GABRR3: variants seen among roughly 807,000 people sequenced by gnomAD.
GABRR3 encodes gamma-aminobutyric acid type A receptor subunit rho3, also known as gamma-aminobutyric acid receptor subunit rho-3.
In GABRR3, 29 loss-of-function variants were observed where a neutral mutation model predicts 43.2. The observed-to-expected ratio is 0.67, with a 90% CI of 0.50 to 0.92. The LOEUF is 0.92. Ranked by LOEUF, GABRR3 falls within the 40% of genes least tolerant of loss-of-function variation. The probability of loss-of-function intolerance (pLI) is 0.00; values close to 1 mark genes in which losing one functional copy is unlikely to be tolerated. For missense variants in GABRR3, 576 were observed against 572.3 expected (o/e 1.01, Z -0.07); for synonymous variants, 206 against 195.9 (o/e 1.05, Z -0.43).
intron 2 of GABRR3, among the ~76,000 whole-genome samples, chr3:98,034,263 G>T (rs1471024421): frequency 6.6e-6 from 1 of 152,040 alleles, no homozygotes; most frequent in Non-Finnish European, 1.5e-5. Context: ...TAGGCAAATT[G>T]GTGTATAAAG....
chr3:98,020,858 CTTTTTCTTTTTCTT>C (rs1013411518), intron 3 of GABRR3, among the ~76,000 whole-genome samples: 5 of 133,204 alleles, frequency 3.8e-5, no homozygotes, highest in East Asian at 2.2e-4. Flanking sequence ...ATTTCTTTTT[CTTTTTCTTTTTCTT>C]TTTTTTTTTT....
intron 4 of GABRR3, among the ~76,000 whole-genome samples, chr3:98,015,995 G>A (rs978260898): frequency 5.9e-5 from 9 of 152,200 alleles, no homozygotes; most frequent in Non-Finnish European, 1.0e-4. Flanking sequence ...CACGGCAGAA[G>A]GCAAAGGGGA....
intron 7 of GABRR3, 74 bp downstream of exon 7, chr3:98,007,690 T>C: frequency 6.5e-7 from 1 of 1,537,686 alleles, no homozygotes; most frequent in Non-Finnish European, 8.9e-7. Context: ...TCCGGTCTTT[T>C]CGCATGTTGT....
At chr3:98,002,154 GA>G (rs1021505922) in intron 7 of GABRR3, among the ~76,000 whole-genome samples, 2 of 151,858 alleles carry the variant, frequency 1.3e-5, no homozygotes, top group Admixed American at 1.3e-4. Context: ...TATAACAAAT[GA>G]AAAAAACATT....
At chr3:98,021,069 T>C (rs920008765) in intron 3 of GABRR3, among the ~76,000 whole-genome samples, 2 of 151,876 alleles carry the variant, frequency 1.3e-5, no homozygotes, top group African/African-American at 4.8e-5. Context: ...TTCATCATGT[T>C]GGTCAGGCTG....
rs949715621 is a variant in GABRR3, at chr3:98,001,291, G to A, written c.907+324C>T. ...GCTAAATGGACTTGTATAAAGCATGGGGAGGTTTTCTTAAAAAAGAAAAGA... is the reference window on the plus strand; with the variant it reads ...GCTAAATGGACTTGTATAAAGCATGAGGAGGTTTTCTTAAAAAAGAAAAGA... On this transcript the variant is annotated intron_variant, in intron 8 of 9. Coordinates refer to ENST00000621172, the Ensembl canonical transcript of GABRR3. 6.8e-5 allele frequency: 18 copies of A among 265,834 alleles called. 1 individual carries two copies. The highest frequency in any genetic ancestry group is 6.4e-4 in the Admixed American group (14 of 21,824). 16.5% of individuals were successfully genotyped at this position (265,834 alleles called of 1,614,324 possible).
intron 8 of GABRR3, among the ~76,000 whole-genome samples, chr3:97,993,307 C>A (rs548606631): frequency 6.6e-6 from 1 of 152,278 alleles, no homozygotes; most frequent in African/African-American, 2.4e-5. Flanking sequence ...TCACAGAAAA[C>A]AGAGTCTGAC....
At position 98,004,641 on chromosome 3, in the gene GABRR3, A is replaced by G. The variant is rs1706700817; in HGVS notation, c.755-2874T>C. On this transcript the variant is annotated intron_variant, in intron 7 of 9. Coordinates refer to ENST00000621172, the Ensembl canonical transcript of GABRR3. The stretch of plus-strand genomic sequence containing the variant: ...TTGTTAATATTGCCAGGTCGTGGTG[A>G]TTTTTGAACAGTGGCAACGGTAGTG... Among the ~76,000 whole-genome samples the G allele has an allele frequency of 4.6e-5, 7 of 150,616 alleles. No individual in the cohort carries two copies. The Admixed American group carries it at 4.7e-4, about 10-fold the overall frequency.
chr3:98,014,397 G>T (rs1412625663), intron 4 of GABRR3, among the ~76,000 whole-genome samples: 1 of 151,616 alleles, frequency 6.6e-6, no homozygotes, highest in African/African-American at 2.4e-5. Context: ...AAATGACTTG[G>T]ATAATATTCC....
intron 2 of GABRR3, among the ~76,000 whole-genome samples, chr3:98,026,168 AT>A (rs569535918): frequency 2.5e-3 from 388 of 152,290 alleles, no homozygotes; most frequent in Non-Finnish European, 3.0e-3. Context: ...TTGTAAACAG[AT>A]TAAGGCAGTG....
chr3:98,003,269 A>G (rs1410623068), intron 7 of GABRR3, among the ~76,000 whole-genome samples: 1 of 152,192 alleles, frequency 6.6e-6, no homozygotes, highest in Non-Finnish European at 1.5e-5. Context: ...AACTACTGTG[A>G]GGTTAAAAGA....
downstream of GABRR3, among the ~76,000 whole-genome samples, chr3:97,985,591 G>T (rs893874314): frequency 6.6e-6 from 1 of 152,136 alleles, no homozygotes; most frequent in Non-Finnish European, 1.5e-5. Flanking sequence ...AGGCAGGAAC[G>T]CTATTTCATA....
intron 2 of GABRR3, among the ~76,000 whole-genome samples, chr3:98,031,367 A>T (rs1019984385): frequency 6.6e-6 from 1 of 152,206 alleles, no homozygotes; most frequent in Non-Finnish European, 1.5e-5. Flanking sequence ...ATTAACTTGG[A>T]AAAATTCAGA....
intron 3 of GABRR3, among the ~76,000 whole-genome samples, chr3:98,020,687 G>A (rs554521651): frequency 7.9e-5 from 12 of 152,084 alleles, no homozygotes; most frequent in African/African-American, 2.9e-4. Flanking sequence ...TTTGAAGGCT[G>A]ATCTGAGATC....
intron 3 of GABRR3, 125 bp from the exon 4 acceptor site, chr3:98,017,847 A>T (rs1201471072): frequency 3.2e-6 from 2 of 618,306 alleles, no homozygotes; most frequent in African/African-American, 3.7e-5. Flanking sequence ...TTTAAACAAC[A>T]AATTTCTCCA....
Position 98,008,951 on chromosome 3 carries a change from C to T in GABRR3, c.613+5G>A, listed in dbSNP as rs2107237264. ...GCACTCACTCCACCAGGAAGTGAGA[C>T]TTACAGCTTTCCAGTTCAAGAGAAC... On this transcript the variant is annotated splice_donor_5th_base_variant and intron_variant, in intron 6 of 9. Coordinates refer to ENST00000621172, the Ensembl canonical transcript of GABRR3. 1.3e-6 allele frequency: 2 copies of T among 1,584,512 alleles called. No individual in the cohort carries two copies. Among genetic ancestry groups the T allele is most frequent in the South Asian group, 1.1e-5 (1 of 87,254 alleles).
intron 8 of GABRR3, 153 bp downstream of exon 8, chr3:98,001,462 G>A: frequency 4.0e-6 from 3 of 747,950 alleles, no homozygotes; most frequent in Non-Finnish European, 4.3e-6. Context: ...TGCCCTTGAG[G>A]ATGTCAAGAT....
intron 7 of GABRR3, among the ~76,000 whole-genome samples, chr3:98,003,290 A>G (rs1401586856): frequency 3.3e-5 from 5 of 152,232 alleles, no homozygotes; most frequent in African/African-American, 1.2e-4. Context: ...AATAAGGAAA[A>G]CCTGTGAAAG....
At chr3:98,020,042 T>C (rs1706920784) in intron 3 of GABRR3, among the ~76,000 whole-genome samples, 1 of 152,208 alleles carries the variant, frequency 6.6e-6, no homozygotes, top group African/African-American at 2.4e-5. Flanking sequence ...ATCTTTGCCA[T>C]GGCTCTACCT....
Sources: allele counts gnomAD v4.1 joint callset (sites outside exome capture counted in the v4.1 genomes callset), GRCh38; gene constraint gnomAD v4.1.1; transcripts MANE v1.5; gene names NCBI Gene and HGNC (gene_info 2026-07-23, HGNC 2026-07-21).